RSU1: variants seen among roughly 807,000 people sequenced by gnomAD.
RSU1 encodes the protein Ras suppressor protein 1, also known as rsu-1.
In RSU1, 26 loss-of-function variants were observed where a neutral mutation model predicts 31.1. That is an observed-to-expected ratio of 0.84 (90% CI 0.61 to 1.16). The LOEUF (loss-of-function observed/expected upper bound fraction) is 1.16. Ranked by LOEUF, RSU1 falls within the 50% of genes most tolerant of loss-of-function variation. The pLI, the probability that RSU1 is intolerant of heterozygous loss-of-function variation, is 0.00. For synonymous variants in RSU1, 164 were observed against 136.3 expected (o/e 1.20, Z -1.41); for missense variants, 320 against 339.1 (o/e 0.94, Z 0.44).
In RSU1 at chr10:16,703,575, G is replaced by C. The variant is rs148643954; in HGVS notation, c.599-8420C>G. On this transcript the variant is annotated intron_variant, in intron 7 of 8. Coordinates refer to ENST00000345264, the MANE Select transcript of RSU1 (RefSeq NM_012425.4). ...GTCTAGGGGGTTGGTTCATAATTAT[G>C]AGACACTCAGAGCATGGTATAATAT... is the stretch of plus-strand genomic sequence containing the variant. 2.6e-5 allele frequency among the ~76,000 whole-genome samples: 4 copies of C among 152,210 alleles called. No homozygotes were observed. In the East Asian group the frequency reaches 7.7e-4, roughly 29 times the overall value.
intron 8 of RSU1, 23 bp from the exon 9 acceptor site, chr10:16,593,519 C>CTGA (rs752945656): frequency 4.4e-5 from 69 of 1,571,318 alleles, no homozygotes; most frequent in Non-Finnish European, 5.6e-5. Flanking sequence ...AGAAAGGACA[C>CTGA]TATCAGATCT....
At chr10:16,684,434 C>G (rs1835400357) in intron 8 of RSU1, among the ~76,000 whole-genome samples, 1 of 152,140 alleles carries the variant, frequency 6.6e-6, no homozygotes, top group African/African-American at 2.4e-5. Context: ...TATTTGGAGA[C>G]AGCGTTTTTA....
intron 7 of RSU1, among the ~76,000 whole-genome samples, chr10:16,707,232 G>C (rs181818952): frequency 6.6e-6 from 1 of 152,148 alleles, no homozygotes; most frequent in Non-Finnish European, 1.5e-5. Context: ...CTTCAACATA[G>C]TAATTTCTTT....
chr10:16,799,527 AAAC>A (rs1333540981), intron 2 of RSU1, among the ~76,000 whole-genome samples: 41 of 138,250 alleles, frequency 3.0e-4, no homozygotes, highest in Admixed American at 1.1e-3. Context: ...ACAACAACAA[AAAC>A]AACAACAAGT....
chr10:16,781,829 G>T lies in RSU1; in HGVS notation c.160+205C>A, dbSNP rs929088163. Among the ~76,000 whole-genome samples, 23 of 152,182 alleles carry T rather than the reference G, an allele frequency of 1.5e-4. No homozygotes were observed. In the Middle Eastern group the frequency reaches 0.01, roughly 68 times the overall value. ...CGGCAAGACCTTGTCTCAAAAAAAA[G>T]AAAAGAATCTTCAAAGTAGAGCTAA... On this transcript the variant is annotated intron_variant, in intron 3 of 8. Transcript: ENST00000345264.
At chr10:16,693,549 G>A (rs1835608629) in intron 8 of RSU1, among the ~76,000 whole-genome samples, 2 of 152,020 alleles carry the variant, frequency 1.3e-5, no homozygotes, top group Admixed American at 1.3e-4. Context: ...TCTTCCAATA[G>A]TTGGGATGTT....
intron 3 of RSU1, among the ~76,000 whole-genome samples, chr10:16,780,926 C>A (rs574341127): frequency 2.6e-5 from 4 of 152,196 alleles, no homozygotes; most frequent in Non-Finnish European, 5.9e-5. Flanking sequence ...TACAAATATA[C>A]GCTTTGGCTA....
chr10:16,727,116 G>A, intron 7 of RSU1: 1 of 456,618 alleles, frequency 2.2e-6, no homozygotes, highest in Non-Finnish European at 4.4e-6. Context: ...TTTTTGCCAA[G>A]ATGCCTACCA....
At chr10:16,645,385 T>C (rs1226029017) in intron 8 of RSU1, among the ~76,000 whole-genome samples, 1 of 152,120 alleles carries the variant, frequency 6.6e-6, no homozygotes, top group African/African-American at 2.4e-5. Context: ...AAAGAATGAA[T>C]CATAATAATG....
At chr10:16,682,535 T>TACACACACAC (rs68128821) in intron 8 of RSU1, among the ~76,000 whole-genome samples, 27 of 26,506 alleles carry the variant, frequency 1.0e-3, no homozygotes, top group African/African-American at 2.9e-3. Context: ...AAATCATTCA[T>TACACACACAC]ACACACACAC....
intron 8 of RSU1, among the ~76,000 whole-genome samples, chr10:16,634,913 A>G (rs574537998): frequency 5.9e-5 from 9 of 152,332 alleles, no homozygotes; most frequent in African/African-American, 1.2e-4. Flanking sequence ...TTCATTTATT[A>G]TAGCTCATTT....
At chr10:16,797,568 T>C (rs1052947176) in intron 2 of RSU1, among the ~76,000 whole-genome samples, 1 of 152,178 alleles carries the variant, frequency 6.6e-6, no homozygotes, top group Admixed American at 6.5e-5. Flanking sequence ...AGAACATCAT[T>C]GACCATGAAA....
chr10:16,803,189 G>A (rs1388663724), intron 2 of RSU1, among the ~76,000 whole-genome samples: 1 of 151,958 alleles, frequency 6.6e-6, no homozygotes, highest in Non-Finnish European at 1.5e-5. Flanking sequence ...AGGATACAAG[G>A]TAATATACAA....
intron 8 of RSU1, among the ~76,000 whole-genome samples, chr10:16,613,040 CTT>C (rs1833920143): frequency 6.6e-6 from 1 of 152,116 alleles, no homozygotes; most frequent in South Asian, 2.1e-4. Flanking sequence ...AGTAATAACT[CTT>C]TGTTCAATTC....
intron 3 of RSU1, among the ~76,000 whole-genome samples, chr10:16,776,269 T>C (rs1837528812): frequency 6.6e-6 from 1 of 152,222 alleles, no homozygotes; most frequent in Non-Finnish European, 1.5e-5. Context: ...ATGCAGTATT[T>C]TCATGTGAAA....
At chr10:16,758,347 C>G (rs961498696) in intron 4 of RSU1, among the ~76,000 whole-genome samples, 12 of 152,178 alleles carry the variant, frequency 7.9e-5, no homozygotes, top group African/African-American at 2.2e-4. Flanking sequence ...GGCTGTCCCC[C>G]CTCCCTCCAG....
At chr10:16,815,246 A>C (rs1389543947) in intron 2 of RSU1, among the ~76,000 whole-genome samples, 1 of 152,250 alleles carries the variant, frequency 6.6e-6, no homozygotes, top group Non-Finnish European at 1.5e-5. Context: ...TGAGAGGCTA[A>C]CTAGTACACA....
chr10:16,727,875 C>T (rs1171607042), intron 7 of RSU1, among the ~76,000 whole-genome samples: 1 of 152,156 alleles, frequency 6.6e-6, no homozygotes, highest in Non-Finnish European at 1.5e-5. Context: ...CTGTGGGTAG[C>T]CGTGGGGGGC....
At chr10:16,622,631 A>G (rs1482797689) in intron 8 of RSU1, among the ~76,000 whole-genome samples, 2 of 152,214 alleles carry the variant, frequency 1.3e-5, no homozygotes, top group African/African-American at 4.8e-5. Context: ...GTTGAATGGC[A>G]GAGTTCGAGG....
Sources: gnomAD v4.1 joint callset for allele counts (sites outside exome capture counted in the v4.1 genomes callset) on GRCh38, gnomAD v4.1.1 for gene constraint, MANE v1.5 for transcripts, NCBI Gene and HGNC (gene_info 2026-07-23, HGNC 2026-07-21) for gene names.